Variants in CACNA2D1 observed in about 807,000 individuals in gnomAD.
CACNA2D1 encodes calcium voltage-gated channel auxiliary subunit alpha2delta 1, also known as voltage-dependent calcium channel subunit alpha-2/delta-1.
Under a neutral mutation model 171.5 loss-of-function variants are expected in CACNA2D1, and 53 were observed. The ratio of observed to expected loss-of-function variants is 0.31; its 90% CI spans 0.25 to 0.39. The LOEUF is 0.39. CACNA2D1 is among the 10% of genes least tolerant of loss of function. The pLI is 1.00. For missense variants in CACNA2D1, 903 were observed against 1,299.8 expected (o/e 0.69, Z 4.69); for synonymous variants, 442 against 443.1 (o/e 1.00, Z 0.03).
intron 18 of CACNA2D1, among the ~76,000 whole-genome samples, chr7:82,005,068 A>C (rs1176315313): frequency 6.6e-6 from 1 of 152,146 alleles, no homozygotes; most frequent in Non-Finnish European, 1.5e-5. Context: ...GGACATAAAT[A>C]AACATTACTA....
intron 6 of CACNA2D1, among the ~76,000 whole-genome samples, chr7:82,116,414 C>G (rs111894521): frequency 5.2e-4 from 79 of 152,286 alleles, no homozygotes; most frequent in African/African-American, 1.6e-3. Context: ...TTACCCCATC[C>G]CTTTTTCACA....
intron 4 of CACNA2D1, among the ~76,000 whole-genome samples, chr7:82,148,324 G>GA (rs77224134): frequency 0.022 from 2,502 of 111,452 alleles, 51 homozygotes; most frequent in African/African-American, 0.064. Flanking sequence ...GGCATAGTTA[G>GA]AAAAAAAAAA....
chr7:82,190,640 A>AT (rs1018172066), intron 3 of CACNA2D1, among the ~76,000 whole-genome samples: 3 of 151,508 alleles, frequency 2.0e-5, no homozygotes, highest in Non-Finnish European at 4.4e-5. Flanking sequence ...TTCATACCAA[A>AT]TTTTTTTTGA....
intron 3 of CACNA2D1, among the ~76,000 whole-genome samples, chr7:82,267,882 A>C (rs1026650961): frequency 3.3e-5 from 5 of 152,130 alleles, no homozygotes; most frequent in Non-Finnish European, 5.9e-5. Flanking sequence ...CTGTAGTCTC[A>C]GCTACTCGGG....
chr7:82,316,984 A>T (rs1815203905), intron 3 of CACNA2D1, among the ~76,000 whole-genome samples: 1 of 152,162 alleles, frequency 6.6e-6, no homozygotes, highest in African/African-American at 2.4e-5. Context: ...TATCAATCTG[A>T]TTCAGTAATA....
chr7:82,217,394 C>CATATCTATATATATATATATATAT (rs1801243870), intron 3 of CACNA2D1, among the ~76,000 whole-genome samples: 1 of 102,546 alleles, frequency 9.8e-6, no homozygotes, highest in African/African-American at 5.5e-5. Flanking sequence ...CACACACATA[C>CATATCTATATATATATATATATAT]ATATATATAT....
chr7:82,066,928 T>A (rs1807705332), intron 7 of CACNA2D1, among the ~76,000 whole-genome samples: 1 of 152,144 alleles, frequency 6.6e-6, no homozygotes, highest in Non-Finnish European at 1.5e-5. Context: ...TCTTGGTCTA[T>A]ATAAGACAGC....
chr7:81,955,760 T>C (rs1052369065), intron 38 of CACNA2D1, among the ~76,000 whole-genome samples: 2 of 151,698 alleles, frequency 1.3e-5, no homozygotes, highest in Admixed American at 6.6e-5. Context: ...GAGAAATTTA[T>C]TATTTTATGC....
chr7:82,060,153 T>TTATA (rs556057858), intron 10 of CACNA2D1, among the ~76,000 whole-genome samples: 1 of 39,870 alleles, frequency 2.5e-5, no homozygotes, highest in African/African-American at 7.1e-5. Flanking sequence ...TATATATGTA[T>TTATA]TATATATATA....
chr7:82,408,212 G>A (rs897189930), intron 1 of CACNA2D1, among the ~76,000 whole-genome samples: 3 of 151,634 alleles, frequency 2.0e-5, no homozygotes, highest in Admixed American at 6.6e-5. Context: ...TAGTAGAGGC[G>A]GGGTTTCACC....
intron 38 of CACNA2D1, among the ~76,000 whole-genome samples, chr7:81,953,382 T>A (rs1479865813): frequency 6.6e-6 from 1 of 152,094 alleles, no homozygotes; most frequent in Non-Finnish European, 1.5e-5. Flanking sequence ...GGCTGTCTCA[T>A]CTTCCCACCT....
intron 3 of CACNA2D1, among the ~76,000 whole-genome samples, chr7:82,179,194 C>G (rs1052049431): frequency 4.6e-5 from 7 of 152,012 alleles, no homozygotes; most frequent in South Asian, 2.1e-4. Context: ...TGTAATTCCA[C>G]TCTGGGGTCT....
At chr7:82,038,419 C>A (rs1437279722) in intron 10 of CACNA2D1, among the ~76,000 whole-genome samples, 184 bp from the exon 11 acceptor site, 1 of 152,192 alleles carries the variant, frequency 6.6e-6, no homozygotes, top group East Asian at 1.9e-4. Context: ...GAGCTACCAA[C>A]CCATACTGGA....
At chr7:82,364,678 A>G (rs1821477359) in intron 1 of CACNA2D1, among the ~76,000 whole-genome samples, 1 of 152,200 alleles carries the variant, frequency 6.6e-6, no homozygotes, top group Non-Finnish European at 1.5e-5. Context: ...ATTTTTCAAA[A>G]GCACATGGAA....
chr7:81,992,546 A>G (rs528048486), intron 20 of CACNA2D1, among the ~76,000 whole-genome samples: 1 of 152,252 alleles, frequency 6.6e-6, no homozygotes, highest in South Asian at 2.1e-4. Context: ...ATTTGTTACT[A>G]CTCATAAAAA....
In CACNA2D1 at chr7:82,169,554, G is replaced by T. The variant is rs151086427; in HGVS notation, c.354+996C>A. Among the ~76,000 whole-genome samples, 422 of 152,074 alleles carry T rather than the reference G, an allele frequency of 2.8e-3. 3 individuals carry two copies. The highest frequency in any genetic ancestry group is 9.6e-3 in the African/African-American group (398 of 41,534). ...AATATCATTTAGTGCATTTTCCTTTGATATTCAACATAATCATAGAAACAC... is the reference window on the plus strand; with the variant it reads ...AATATCATTTAGTGCATTTTCCTTTTATATTCAACATAATCATAGAAACAC... On this transcript the variant is annotated intron_variant, in intron 4 of 38. Transcript: ENST00000356860.
chr7:82,381,933 A>T (rs1006693165), intron 1 of CACNA2D1, among the ~76,000 whole-genome samples: 7 of 141,866 alleles, frequency 4.9e-5, no homozygotes, highest in Non-Finnish European at 1.0e-4. Context: ...ATAGTTTTAT[A>T]TTCATAGAAG....
At chr7:82,109,603 T>TA (rs113593227) in intron 6 of CACNA2D1, among the ~76,000 whole-genome samples, 8 of 152,194 alleles carry the variant, frequency 5.3e-5, no homozygotes, top group East Asian at 1.9e-4. Context: ...AACTATCAAA[T>TA]AAAAAAATAT....
chr7:82,169,703 T>C (rs2129146389), intron 4 of CACNA2D1, among the ~76,000 whole-genome samples: 1 of 152,120 alleles, frequency 6.6e-6, no homozygotes, highest in South Asian at 2.1e-4. Flanking sequence ...CTAAACCTAT[T>C]TTAAATGTGG....
Sources: allele counts gnomAD v4.1 joint callset (sites outside exome capture counted in the v4.1 genomes callset), GRCh38; gene constraint gnomAD v4.1.1; transcripts MANE v1.5; gene names NCBI Gene and HGNC (gene_info 2026-07-23, HGNC 2026-07-21).